The following IL1RAPL1 variants were observed in gnomAD, a reference collection of about 807,000 sequenced individuals.
The protein encoded by IL1RAPL1 is interleukin 1 receptor accessory protein like 1, also known as interleukin-1 receptor accessory protein-like 1.
Under a neutral mutation model 48.4 loss-of-function variants are expected in IL1RAPL1, and 3 were observed. The observed-to-expected ratio is 0.06, with a 90% CI of 0.03 to 0.16. The LOEUF (loss-of-function observed/expected upper bound fraction) is 0.16, where lower values mean the gene tolerates loss of function less well. Ranked by LOEUF, IL1RAPL1 falls within the 10% of genes least tolerant of loss-of-function variation. The pLI is 1.00. For synonymous variants in IL1RAPL1, 185 were observed against 187.7 expected (o/e 0.99, Z 0.12); for missense variants, 349 against 530.6 (o/e 0.66, Z 3.36).
chrX:29,052,110 C>T (rs1259418841), intron 2 of IL1RAPL1, among the ~76,000 whole-genome samples: 1 of 111,978 alleles, frequency 8.9e-6, no homozygotes, highest in East Asian at 2.8e-4. Flanking sequence ...ATTTTTCACA[C>T]AGCTTCCATT....
intron 6 of IL1RAPL1, among the ~76,000 whole-genome samples, chrX:29,751,985 G>A (rs1928477001): frequency 4.0e-5 from 4 of 101,150 alleles, no homozygotes; most frequent in African/African-American, 1.4e-4. Context: ...ATATATATGT[G>A]TGTGTATATA....
chrX:29,016,661 G>A lies in IL1RAPL1; in HGVS notation c.82+227236G>A, dbSNP rs748291016. ...TGTCACTTACTGTGGATATTTTCAT[G>A]CCAGATATTCAGAAAAGTTTGTGTG... On this transcript the variant is annotated intron_variant, in intron 2 of 10. Transcript: ENST00000378993. Among the ~76,000 whole-genome samples the A allele has an allele frequency of 2.3e-3, 256 of 111,323 alleles. 2 individuals carry two copies. The highest frequency in any genetic ancestry group is 7.4e-3 in the African/African-American group (228 of 30,791).
chrX:28,637,422 G>T (rs1400319749), intron 1 of IL1RAPL1, among the ~76,000 whole-genome samples: 1 of 111,558 alleles, frequency 9.0e-6, no homozygotes, highest in Non-Finnish European at 1.9e-5. Flanking sequence ...CATGTTTATT[G>T]TGTGCCCTCC....
intron 6 of IL1RAPL1, among the ~76,000 whole-genome samples, chrX:29,913,030 G>A (rs1002977449): frequency 7.2e-5 from 8 of 111,154 alleles, no homozygotes; most frequent in Non-Finnish European, 1.5e-4. Flanking sequence ...GGGTTCCAAC[G>A]TCACAGCTCT....
chrX:28,619,366 G>A (rs1047072947), intron 1 of IL1RAPL1, among the ~76,000 whole-genome samples: 1 of 110,162 alleles, frequency 9.1e-6, no homozygotes, highest in African/African-American at 3.3e-5. Context: ...AGGCCGAGAC[G>A]AGTGGATCGC....
chrX:29,712,253 C>A (rs1248521324), intron 6 of IL1RAPL1, among the ~76,000 whole-genome samples: 1 of 108,975 alleles, frequency 9.2e-6, no homozygotes, highest in Non-Finnish European at 1.9e-5. Flanking sequence ...TACTATCTGA[C>A]GACTAAGGTG....
intron 2 of IL1RAPL1, among the ~76,000 whole-genome samples, chrX:28,976,198 A>G (rs984743812): frequency 1.3e-4 from 15 of 111,849 alleles, no homozygotes; most frequent in Non-Finnish European, 1.9e-5. Flanking sequence ...TTATATTGAG[A>G]ATGAAATGAA....
At chrX:28,669,902 T>G (rs1452874029) in intron 1 of IL1RAPL1, among the ~76,000 whole-genome samples, 1 of 108,556 alleles carries the variant, frequency 9.2e-6, no homozygotes, top group African/African-American at 3.3e-5. Flanking sequence ...TTTAAGAGAC[T>G]TGTAGTTATG....
intron 6 of IL1RAPL1, among the ~76,000 whole-genome samples, chrX:29,907,629 TG>T (rs1275415819): frequency 1.8e-5 from 2 of 112,071 alleles, no homozygotes; most frequent in Admixed American, 1.9e-4. Flanking sequence ...AACATGATGT[TG>T]TTTTTTTATA....
intron 3 of IL1RAPL1, among the ~76,000 whole-genome samples, chrX:29,286,783 T>G (rs1034465385): frequency 1.8e-5 from 2 of 111,955 alleles, no homozygotes; most frequent in African/African-American, 3.2e-5. Context: ...CTATTAGCAG[T>G]TTCATATGCA....
At chrX:29,915,031 C>G (rs1932786755) in intron 6 of IL1RAPL1, among the ~76,000 whole-genome samples, 1 of 108,315 alleles carries the variant, frequency 9.2e-6, no homozygotes, top group Admixed American at 9.6e-5. Context: ...CGTGGTGGCT[C>G]ACGCCTGTAA....
intron 3 of IL1RAPL1, among the ~76,000 whole-genome samples, chrX:29,358,935 C>T (rs1569294262): frequency 9.2e-6 from 1 of 108,674 alleles, no homozygotes; most frequent in Non-Finnish European, 1.9e-5. Flanking sequence ...GTGGGAGGAT[C>T]GTTTGAGGCT....
intron 6 of IL1RAPL1, among the ~76,000 whole-genome samples, chrX:29,876,988 C>T (rs760051547): frequency 1.8e-5 from 2 of 111,463 alleles, no homozygotes; most frequent in South Asian, 3.8e-4. Flanking sequence ...ATTTCAACAA[C>T]CAGAGCACCA....
intron 2 of IL1RAPL1, among the ~76,000 whole-genome samples, chrX:28,874,974 G>T (rs1601940746): frequency 8.9e-6 from 1 of 111,828 alleles, no homozygotes; most frequent in African/African-American, 3.2e-5. Context: ...TCTACTTATT[G>T]ATGGGTGTAT....
At chrX:28,865,009 A>G (rs995905130) in intron 2 of IL1RAPL1, among the ~76,000 whole-genome samples, 3 of 111,989 alleles carry the variant, frequency 2.7e-5, no homozygotes, top group Non-Finnish European at 5.6e-5. Context: ...GGTAGAGCTA[A>G]TAGGAATTGC....
In IL1RAPL1 at chrX:29,280,050, T is replaced by A. The variant is rs1227634989; in HGVS notation, c.83-2888T>A. Among the ~76,000 whole-genome samples the A allele has an allele frequency of 1.1e-4, 12 of 112,291 alleles. 1 individual carries two copies. The Admixed American group carries it at 1.1e-3, about 11-fold the overall frequency. ...GATACCCTCCATGACAGATAGTCAG[T>A]TATATTAACTTGATTCTATTGTAAT... On this transcript the variant is annotated intron_variant, in intron 2 of 10. Transcript: ENST00000378993.
In IL1RAPL1 at chrX:28,722,582, T is replaced by C. The variant is rs771066806; in HGVS notation, c.-24-66738T>C. On this transcript the variant is annotated intron_variant, in intron 1 of 10. Transcript: ENST00000378993. Reference sequence around the variant, plus strand: ...TCTTTTCCTAATTGAATACCCTTTATTTCTTTCTCCTGCCCGATTGCCCTG... The same window carrying C: ...TCTTTTCCTAATTGAATACCCTTTACTTCTTTCTCCTGCCCGATTGCCCTG... Among the ~76,000 whole-genome samples the C allele has an allele frequency of 7.1e-3, 790 of 111,618 alleles. 13 individuals are homozygous for C. The highest frequency in any genetic ancestry group is 0.024 in the African/African-American group (734 of 30,710).
At chrX:29,383,761 T>A in intron 3 of IL1RAPL1, among the ~76,000 whole-genome samples, 1 of 111,869 alleles carries the variant, frequency 8.9e-6, no homozygotes, top group South Asian at 3.7e-4. Flanking sequence ...TATAAAGGAA[T>A]GGAAAGGAAA....
intron 3 of IL1RAPL1, among the ~76,000 whole-genome samples, chrX:29,358,701 A>G (rs1408430091): frequency 9.0e-6 from 1 of 110,985 alleles, no homozygotes; most frequent in East Asian, 2.8e-4. Flanking sequence ...AGAACATTTA[A>G]GATTTACTTT....
Sources: allele counts gnomAD v4.1 joint callset (sites outside exome capture counted in the v4.1 genomes callset), GRCh38; gene constraint gnomAD v4.1.1; transcripts MANE v1.5; gene names NCBI Gene and HGNC (gene_info 2026-07-23, HGNC 2026-07-21).